PDE3B: variants seen among roughly 807,000 people sequenced by gnomAD.
PDE3B encodes phosphodiesterase 3B, also known as cGMP-inhibited 3',5'-cyclic phosphodiesterase 3B.
Under a neutral mutation model 116.8 loss-of-function variants are expected in PDE3B, and 66 were observed. That is an observed-to-expected ratio of 0.56 (90% CI 0.46 to 0.69). The LOEUF (loss-of-function observed/expected upper bound fraction) is 0.69. Ranked by LOEUF, PDE3B falls within the 30% of genes least tolerant of loss-of-function variation. The pLI is 0.00. For missense variants in PDE3B, 1,384 were observed against 1,368.1 expected, an observed-to-expected ratio of 1.01 and a Z score of -0.18; for synonymous variants, 595 against 533.6, an observed-to-expected ratio of 1.12 and a Z score of -1.59.
intron 1 of PDE3B, among the ~76,000 whole-genome samples, chr11:14,771,297 T>A (rs1226453102): frequency 6.6e-6 from 1 of 151,698 alleles, no homozygotes; most frequent in African/African-American, 2.4e-5. Flanking sequence ...TCCTTGGGCA[T>A]AGTGACTACT....
intron 7 of PDE3B, among the ~76,000 whole-genome samples, chr11:14,824,052 C>T (rs1859608977): frequency 6.6e-6 from 1 of 152,190 alleles, no homozygotes; most frequent in African/African-American, 2.4e-5. Flanking sequence ...AGAGTATCCA[C>T]CTCACAGAAA....
intron 1 of PDE3B, among the ~76,000 whole-genome samples, chr11:14,667,444 AAAATT>A (rs890029171): frequency 1.2e-4 from 18 of 150,868 alleles, no homozygotes; most frequent in Admixed American, 4.0e-4. Context: ...TAATAATAAT[AAAATT>A]AAATTAAATT....
the PDE3B span, among the ~76,000 whole-genome samples, chr11:14,894,812 A>G: frequency 2.6e-5 from 4 of 152,086 alleles, no homozygotes; most frequent in African/African-American, 7.2e-5. Flanking sequence ...CCCTTCTTGC[A>G]TTTGCTCTTT....
downstream of PDE3B, among the ~76,000 whole-genome samples, chr11:14,875,522 T>G (rs1249017403): frequency 6.6e-6 from 1 of 152,176 alleles, no homozygotes; most frequent in Non-Finnish European, 1.5e-5. Context: ...GCATCCCTAT[T>G]GCGTAGATCC....
At chr11:14,733,698 T>G (rs182688927) in intron 1 of PDE3B, among the ~76,000 whole-genome samples, 2 of 152,212 alleles carry the variant, frequency 1.3e-5, no homozygotes, top group Admixed American at 1.3e-4. Context: ...GTCTGAAAAG[T>G]AAGCCATTGG....
At chr11:14,696,229 G>A (rs1388727081) in intron 1 of PDE3B, among the ~76,000 whole-genome samples, 1 of 152,114 alleles carries the variant, frequency 6.6e-6, no homozygotes, top group East Asian at 1.9e-4. Flanking sequence ...GTATCTCATT[G>A]TGGTTTTGAT....
chr11:14,735,121 A>G (rs1214148926), intron 1 of PDE3B, among the ~76,000 whole-genome samples: 2 of 152,222 alleles, frequency 1.3e-5, no homozygotes, highest in African/African-American at 4.8e-5. Flanking sequence ...GCACTCATAA[A>G]TATGTATAAA....
At chr11:14,649,493 T>A (rs1853503392) in intron 1 of PDE3B, among the ~76,000 whole-genome samples, 1 of 152,228 alleles carries the variant, frequency 6.6e-6, no homozygotes, top group South Asian at 2.1e-4. Context: ...TTACTCCTAG[T>A]CCACTTTTAC....
chr11:14,671,298 G>T (rs1854359120), intron 1 of PDE3B, among the ~76,000 whole-genome samples: 1 of 152,088 alleles, frequency 6.6e-6, no homozygotes, highest in African/African-American at 2.4e-5. Context: ...CCTCTCTGAA[G>T]AGGTGACATT....
At chr11:14,661,869 C>G (rs902458831) in intron 1 of PDE3B, among the ~76,000 whole-genome samples, 6 of 152,228 alleles carry the variant, frequency 3.9e-5, no homozygotes, top group East Asian at 1.9e-4. Context: ...GGCTCCACCT[C>G]TGGGGGCAGG....
downstream of PDE3B, among the ~76,000 whole-genome samples, chr11:14,872,793 G>A (rs1449482025): frequency 6.6e-6 from 1 of 152,078 alleles, no homozygotes; most frequent in Non-Finnish European, 1.5e-5. Context: ...CAAGGGTTAC[G>A]CATCCCACAA....
rs1441697827 is a variant in PDE3B, at chr11:14,786,496, G to A, written c.1089G>A (p.Val363=). 1.9e-6 allele frequency: 3 copies of A among 1,612,356 alleles called. No individual in the cohort carries two copies. Among genetic ancestry groups the A allele is most frequent in the East Asian group, 2.2e-5 (1 of 44,868 alleles). Residue 363 remains valine (V), a synonymous_variant, in exon 3 of 16, where the codon GTG becomes GTA. Transcript: ENST00000282096. ...LSVLNEARNM[V]SDLLTDPSLP... is the part of the protein sequence containing the mutation. ...TGCTAAATGAGGCTCGCAATATGGT[G>A]TCAGATCTTCTGACTGATCCAAGCC...
In PDE3B at chr11:14,786,665, G is replaced by A; in HGVS notation, c.1258G>A (p.Gly420Arg). The change falls in exon 3 of 16, where the codon GGG becomes AGG. Residue 420 changes from glycine (G) to arginine (R), a missense_variant. This residue lies in a region of PDE3B where 956 missense variants were observed against 806.8 expected (regional missense o/e 1.18). Coordinates refer to ENST00000282096, the MANE Select transcript of PDE3B (RefSeq NM_000922.4). ...CSEIEDPAEK[G>R]DRKLNKGLNR... ...TGAAATAGAGGACCCAGCTGAGAAA[G>A]GGGATAGAAAACTTAACAAGGTCGA... 6.2e-7 allele frequency: 1 copy of A among 1,611,570 alleles called. No homozygotes were observed. Among genetic ancestry groups the A allele is most frequent in the Non-Finnish European group, 8.5e-7 (1 of 1,177,942 alleles).
chr11:14,722,899 T>A (rs908988193), intron 1 of PDE3B, among the ~76,000 whole-genome samples: 1 of 152,182 alleles, frequency 6.6e-6, no homozygotes, highest in Non-Finnish European at 1.5e-5. Context: ...AGGTGCTTGG[T>A]GTTAAATGAT....
intron 1 of PDE3B, among the ~76,000 whole-genome samples, chr11:14,668,553 T>A (rs1854260013): frequency 6.6e-6 from 1 of 152,048 alleles, no homozygotes; most frequent in Admixed American, 6.6e-5. Flanking sequence ...TGAAAAAAAA[T>A]TTTAAGCATG....
chr11:14,695,310 C>G (rs1469117030), intron 1 of PDE3B, among the ~76,000 whole-genome samples: 1 of 152,076 alleles, frequency 6.6e-6, no homozygotes, highest in East Asian at 1.9e-4. Context: ...TGTAGTGTTC[C>G]ATAGTTTGAA....
At chr11:14,695,032 A>G (rs1171562768) in intron 1 of PDE3B, among the ~76,000 whole-genome samples, 2 of 152,118 alleles carry the variant, frequency 1.3e-5, no homozygotes, top group African/African-American at 4.8e-5. Flanking sequence ...ACCAGAAGAA[A>G]TCTTTGTTCA....
At chr11:14,746,360 G>T (rs1432445151) in intron 1 of PDE3B, among the ~76,000 whole-genome samples, 1 of 152,154 alleles carries the variant, frequency 6.6e-6, no homozygotes, top group Non-Finnish European at 1.5e-5. Flanking sequence ...ACTCCAGCCT[G>T]GGTGATGGAG....
the PDE3B span, among the ~76,000 whole-genome samples, chr11:14,889,484 A>G: frequency 6.6e-6 from 1 of 152,206 alleles, no homozygotes; most frequent in Non-Finnish European, 1.5e-5. Context: ...AGTGAGGCAA[A>G]CAATGTCTAC....
Sources: gnomAD v4.1 joint callset for allele counts (sites outside exome capture counted in the v4.1 genomes callset) on GRCh38, gnomAD v4.1.1 for gene constraint, gnomAD v4.1.1 regional missense constraint, MANE v1.5 for transcripts, NCBI Gene and HGNC (gene_info 2026-07-23, HGNC 2026-07-21) for gene names.